SLC12A7: variants seen among roughly 807,000 people sequenced by gnomAD.
The protein encoded by SLC12A7 is solute carrier family 12 member 7.
A neutral mutation model predicts 120.6 loss-of-function variants in SLC12A7; 100 were observed. The ratio of observed to expected loss-of-function variants is 0.83; its 90% CI spans 0.71 to 0.98. SLC12A7 has a LOEUF of 0.98. Ranked by LOEUF, SLC12A7 falls within the 50% of genes least tolerant of loss-of-function variation. The pLI is 0.00. For synonymous variants in SLC12A7, 760 were observed against 678.0 expected (o/e 1.12, Z -1.88); for missense variants, 1,373 against 1,548.1 (o/e 0.89, Z 1.90).
rs1739500114 is a variant in SLC12A7 at position 1,083,881 on chromosome 5, G to A, written c.993C>T (p.Asn331=). 3 of 1,608,840 alleles carry A rather than the reference G, an allele frequency of 1.9e-6. No homozygotes were observed. Among genetic ancestry groups the A allele is most frequent in the Non-Finnish European group, 2.5e-6 (3 of 1,178,504 alleles). Residue 331 remains asparagine (N), a synonymous_variant, in exon 8 of 24, where the codon AAC becomes AAT. Transcript: ENST00000264930. ...CCCAGAGCGCGGAGGTGGCTGAGTTGTTGTGGATGCCGTAGGCCTTGACGC... is the reference window on the plus strand; with the variant it reads ...CCCAGAGCGCGGAGGTGGCTGAGTTATTGTGGATGCCGTAGGCCTTGACGC... ...DACVKAYGIH[N]NSATSALWGL...
At position 1,073,619 on chromosome 5, in the gene SLC12A7, C is replaced by G. The variant is rs958321365; in HGVS notation, c.2241+14G>C. On this transcript the variant is annotated intron_variant, in intron 17 of 23. Coordinates refer to ENST00000264930, the MANE Select transcript of SLC12A7 (RefSeq NM_006598.3). ...TGGGAAAGAGGCCTGGCCCCCAGACCCCGCCCGGCCCACCTCCTCGGCCCG... is the reference window on the plus strand; with the variant it reads ...TGGGAAAGAGGCCTGGCCCCCAGACGCCGCCCGGCCCACCTCCTCGGCCCG... The G allele has an allele frequency of 2.5e-5, 40 of 1,594,566 alleles. No individual in the cohort carries two copies. The highest frequency in any genetic ancestry group is 3.3e-5 in the Non-Finnish European group (39 of 1,172,694).
chr5:1,110,350 C>A (rs1014838075), intron 1 of SLC12A7, among the ~76,000 whole-genome samples: 3 of 152,230 alleles, frequency 2.0e-5, no homozygotes, highest in Non-Finnish European at 2.9e-5. Context: ...CTGACACGCC[C>A]GTAGCAGGAC....
rs374715261 is a variant in SLC12A7, at chr5:1,059,060, G to A, written c.2847+1284C>T. Reference sequence around the variant, plus strand: ...TGGATTCTTGTTCCTAGCTGGACCCGGGCTGAACCCTTGTGACGCCAGGGC... The same window carrying A: ...TGGATTCTTGTTCCTAGCTGGACCCAGGCTGAACCCTTGTGACGCCAGGGC... On this transcript the variant is annotated intron_variant, in intron 21 of 23. Coordinates refer to ENST00000264930, the MANE Select transcript of SLC12A7 (RefSeq NM_006598.3). 6.6e-5 allele frequency among the ~76,000 whole-genome samples: 10 copies of A among 152,218 alleles called. No homozygotes were observed. The South Asian group carries it at 8.3e-4, about 13-fold the overall frequency.
At chr5:1,088,260 ACTC>A in intron 5 of SLC12A7, 43 bp downstream of exon 5, 1 of 1,553,274 alleles carries the variant, frequency 6.4e-7, no homozygotes, top group African/African-American at 1.4e-5. Context: ...CAAAACACAG[ACTC>A]CTCTAACAGG....
chr5:1,077,813 G>A lies in SLC12A7; in HGVS notation c.1629+20C>T, dbSNP rs752170390. The A allele has an allele frequency of 4.6e-5, 72 of 1,555,264 alleles. No homozygotes were observed. Among genetic ancestry groups the A allele is most frequent in the Middle Eastern group, 1.9e-4 (1 of 5,342 alleles). ...GACCCTGACCTTCCAGGGTCCCCCC[G>A]ACGAGGGTGCGGGACTCACCTGCAG... On this transcript the variant is annotated intron_variant, in intron 12 of 23. Coordinates refer to ENST00000264930, the MANE Select transcript of SLC12A7 (RefSeq NM_006598.3).
chr5:1,141,140 C>T, the SLC12A7 span, among the ~76,000 whole-genome samples: 1 of 152,194 alleles, frequency 6.6e-6, no homozygotes, highest in Non-Finnish European at 1.5e-5. Context: ...TAGGCGGGCA[C>T]CGGTTCCGGC....
upstream of SLC12A7, among the ~76,000 whole-genome samples, chr5:1,113,563 G>C (rs544551905): frequency 1.3e-5 from 2 of 152,278 alleles, no homozygotes; most frequent in East Asian, 3.9e-4. Context: ...TGGCCTGGGT[G>C]TCTGGAGCTG....
chr5:1,062,050 C>G (rs1736351445), intron 20 of SLC12A7, among the ~76,000 whole-genome samples: 1 of 152,214 alleles, frequency 6.6e-6, no homozygotes, highest in Non-Finnish European at 1.5e-5. Context: ...GTGGGCAGCC[C>G]CAGCCCTGCC....
chr5:1,122,362 G>T, the SLC12A7 span, among the ~76,000 whole-genome samples: 1 of 152,284 alleles, frequency 6.6e-6, no homozygotes, highest in South Asian at 2.1e-4. Flanking sequence ...CACAGCCCCC[G>T]CCACTGCGCT....
chr5:1,055,672 C>T (rs1735537460), intron 22 of SLC12A7, among the ~76,000 whole-genome samples: 2 of 152,230 alleles, frequency 1.3e-5, no homozygotes, highest in African/African-American at 4.8e-5. Flanking sequence ...AGCCCCGGCG[C>T]TGGGAGGAGG....
In SLC12A7 at chr5:1,109,084, C is replaced by G. The variant is rs1181862327; in HGVS notation, c.124+2784G>C. On this transcript the variant is annotated intron_variant, in intron 1 of 23. Transcript: ENST00000264930. ...AAGGCAGGACCCACCCTCTCCCAGC[C>G]CAGGGAGCCCCAGACGAGTGGAAGT... Among the ~76,000 whole-genome samples the G allele has an allele frequency of 2.6e-5, 4 of 152,298 alleles. No homozygotes were observed. The South Asian group carries it at 8.3e-4, about 32-fold the overall frequency.
Position 1,085,321 on chromosome 5 carries a change from C to CAGCTTGTT in SLC12A7, c.820_827dup (p.Ala277ThrfsTer158). 6.2e-7 allele frequency: 1 copy of CAGCTTGTT among 1,612,600 alleles called. No homozygotes were observed. Among genetic ancestry groups the CAGCTTGTT allele is most frequent in the Non-Finnish European group, 8.5e-7 (1 of 1,179,834 alleles). ...CGACGCAGGCCAGGAAGACCAGCGC[C>CAGCTTGTT]AGCTTGTTGACATACTTGACGCCCA... On this transcript the variant is annotated frameshift_variant, in exon 7 of 24. Transcript: ENST00000264930. LOFTEE classifies it high-confidence loss of function.
intron 17 of SLC12A7, among the ~76,000 whole-genome samples, chr5:1,069,729 C>G (rs556032202): frequency 3.9e-5 from 6 of 152,136 alleles, no homozygotes; most frequent in African/African-American, 1.2e-4. Context: ...GGTGACGTGA[C>G]GTGACGTGAC....
chr5:1,090,800 G>C (rs897324976), intron 3 of SLC12A7, among the ~76,000 whole-genome samples: 6 of 152,230 alleles, frequency 3.9e-5, no homozygotes, highest in African/African-American at 1.4e-4. Flanking sequence ...GAAGGGCATG[G>C]CCGGCCTTGG....
At chr5:1,123,186 G>A in the SLC12A7 span, among the ~76,000 whole-genome samples, 1 of 152,228 alleles carries the variant, frequency 6.6e-6, no homozygotes, top group Non-Finnish European at 1.5e-5. Flanking sequence ...GGTCTCGGGT[G>A]GCCTGTGCCC....
chr5:1,060,935 C>G, intron 20 of SLC12A7, among the ~76,000 whole-genome samples: 1 of 138,268 alleles, frequency 7.2e-6, no homozygotes, highest in Admixed American at 6.9e-5. Context: ...CGTGCGGGAC[C>G]CCTGCGCCTC....
At chr5:1,123,953 G>A in the SLC12A7 span, among the ~76,000 whole-genome samples, 1 of 152,220 alleles carries the variant, frequency 6.6e-6, no homozygotes, top group African/African-American at 2.4e-5. Context: ...CACGAGGTCA[G>A]GCCAATACGC....
intron 1 of SLC12A7, among the ~76,000 whole-genome samples, chr5:1,106,650 G>A (rs1742555351): frequency 6.6e-6 from 1 of 152,136 alleles, no homozygotes; most frequent in Non-Finnish European, 1.5e-5. Flanking sequence ...ACGTCGGGAT[G>A]TGTCTGCAGT....
intron 12 of SLC12A7, 27 bp downstream of exon 12, chr5:1,077,806 T>TA: frequency 6.5e-7 from 1 of 1,540,616 alleles, no homozygotes; most frequent in Non-Finnish European, 8.8e-7. Context: ...CCTTCCAGGG[T>TA]CCCCCCGACG....
Sources: gnomAD v4.1 joint callset for allele counts (sites outside exome capture counted in the v4.1 genomes callset) on GRCh38, gnomAD v4.1.1 for gene constraint, MANE v1.5 for transcripts, NCBI Gene and HGNC (gene_info 2026-07-23, HGNC 2026-07-21) for gene names.